The following CCDC34 variants were observed in gnomAD, a reference collection of about 807,000 sequenced individuals.
The protein encoded by CCDC34 is coiled-coil domain containing 34.
A neutral mutation model predicts 44.1 loss-of-function variants in CCDC34; 40 were observed. That is an observed-to-expected ratio of 0.91 (90% CI 0.70 to 1.18). CCDC34 has a LOEUF of 1.18. Ranked by LOEUF, CCDC34 falls within the 50% of genes most tolerant of loss-of-function variation. CCDC34 has a pLI of 0.00. For synonymous variants in CCDC34, 159 were observed against 158.2 expected, an observed-to-expected ratio of 1.01 and a Z score of -0.04; for missense variants, 466 against 452.3, an observed-to-expected ratio of 1.03 and a Z score of -0.28.
chr11:27,361,124 A>C (rs1565063610), intron 1 of CCDC34, among the ~76,000 whole-genome samples: 2 of 152,326 alleles, frequency 1.3e-5, no homozygotes, highest in South Asian at 4.1e-4. Flanking sequence ...ATGCTTGACA[A>C]CTTCAGCATT....
At chr11:27,342,616 A>G (rs902886474) in intron 3 of CCDC34, among the ~76,000 whole-genome samples, 2 of 152,120 alleles carry the variant, frequency 1.3e-5, no homozygotes, top group Admixed American at 6.6e-5. Context: ...GTATTTGTAA[A>G]TGAAGTTTTA....
At position 27,352,180 on chromosome 11, in the gene CCDC34, C is replaced by T. The variant is rs572590830; in HGVS notation, c.499-1741G>A. 4.6e-5 allele frequency among the ~76,000 whole-genome samples: 7 copies of T among 152,138 alleles called. No homozygotes were observed. In the East Asian group the frequency reaches 1.4e-3, roughly 29 times the overall value. On this transcript the variant is annotated intron_variant, in intron 2 of 5. Coordinates refer to ENST00000328697, the MANE Select transcript of CCDC34 (RefSeq NM_030771.2). Reference sequence around the variant, plus strand: ...GATGGATCACTTGAGGTCAAGGGTTCGAGACCAGCCTGGGCAAAATCGTAA... The same window carrying T: ...GATGGATCACTTGAGGTCAAGGGTTTGAGACCAGCCTGGGCAAAATCGTAA...
intron 1 of CCDC34, among the ~76,000 whole-genome samples, chr11:27,358,947 T>C: frequency 7.0e-6 from 1 of 141,966 alleles, no homozygotes; most frequent in African/African-American, 2.5e-5. Context: ...CTGCTCCTTG[T>C]CAACATGTGG....
chr11:27,346,592 C>A (rs538773704), intron 3 of CCDC34, among the ~76,000 whole-genome samples: 3 of 152,196 alleles, frequency 2.0e-5, no homozygotes, highest in African/African-American at 7.2e-5. Context: ...TATACAAATT[C>A]TCATATCTTA....
Position 27,362,960 on chromosome 11 carries a change from C to G in CCDC34, c.235G>C (p.Glu79Gln), listed in dbSNP as rs768638598. 6 of 1,614,178 alleles carry G rather than the reference C, an allele frequency of 3.7e-6. No individual in the cohort carries two copies. The highest frequency in any genetic ancestry group is 5.1e-6 in the Non-Finnish European group (6 of 1,180,024). The change falls in exon 1 of 6, where the codon GAG becomes CAG. Residue 79 changes from glutamate (E) to glutamine (Q), a missense_variant. Glu to Gln is a conservative substitution (Grantham distance 29). Transcript: ENST00000328697. The part of the protein sequence containing the change: ...PLGHQSFQFD[E>Q]DDGDGEDEED... Reference sequence around the variant, plus strand: ...TCATCCTCCCCGTCACCGTCGTCCTCGTCAAACTGGAAGCTCTGGTGGCCA... The same window carrying G: ...TCATCCTCCCCGTCACCGTCGTCCTGGTCAAACTGGAAGCTCTGGTGGCCA...
chr11:27,354,893 T>C (rs1862553252), intron 2 of CCDC34, among the ~76,000 whole-genome samples: 2 of 152,058 alleles, frequency 1.3e-5, no homozygotes, highest in African/African-American at 4.8e-5. Flanking sequence ...TTTACACTTT[T>C]AACTACTCCA....
chr11:27,343,825 G>A (rs543640432), intron 3 of CCDC34, among the ~76,000 whole-genome samples: 1 of 152,220 alleles, frequency 6.6e-6, no homozygotes, highest in East Asian at 1.9e-4. Flanking sequence ...GGAAACTAAG[G>A]CACATGGAGG....
At position 27,340,840 on chromosome 11, in the gene CCDC34, T is replaced by G; in HGVS notation, c.766-3A>C. 1 of 1,610,930 alleles carries G rather than the reference T, an allele frequency of 6.2e-7. No homozygotes were observed. On this transcript the variant is annotated splice_polypyrimidine_tract_variant and splice_region_variant and intron_variant, in intron 4 of 5. Coordinates refer to ENST00000328697, the MANE Select transcript of CCDC34 (RefSeq NM_030771.2). ...GCTTGCTGTTGTTTTTCTTTTTCCT[T>G]AAAATGACAAGACCAAAATATTTCC... is the stretch of plus-strand genomic sequence containing the variant.
chr11:27,354,909 GTCTCTC>G (rs968016999), intron 2 of CCDC34, among the ~76,000 whole-genome samples: 15 of 152,070 alleles, frequency 9.9e-5, no homozygotes, highest in African/African-American at 3.6e-4. Flanking sequence ...CTCCACTATT[GTCTCTC>G]TAACATCTGG....
Position 27,357,432 on chromosome 11 carries a change from G to T in CCDC34, c.469C>A (p.Arg157Ser). The stretch of plus-strand genomic sequence containing the variant: ...AGAGCTTTCAGTTGCAGCCGGTCAC[G>T]TTCTTCTTTTTCTTTGCCAATAAAC... ...VWFIGKEKEE[R>S]DRLQLKALEE... Residue 157 changes from arginine to serine, a missense_variant, in exon 2 of 6, where the codon CGT becomes AGT. Coordinates refer to ENST00000328697, the MANE Select transcript of CCDC34 (RefSeq NM_030771.2). The T allele has an allele frequency of 2.5e-6, 4 of 1,613,906 alleles. No homozygotes were observed. Among genetic ancestry groups the T allele is most frequent in the Non-Finnish European group, 3.4e-6 (4 of 1,179,880 alleles).
Position 27,356,957 on chromosome 11 carries a change from G to A in CCDC34, c.498+446C>T, listed in dbSNP as rs915627039. On this transcript the variant is annotated intron_variant, in intron 2 of 5. Transcript: ENST00000328697. ...TGGGGGTGGTGGGGGGGGGCAGGTAGATTCTTGCCTCTATTTTGTTTCAGT... is the reference window on the plus strand; with the variant it reads ...TGGGGGTGGTGGGGGGGGGCAGGTAAATTCTTGCCTCTATTTTGTTTCAGT... Among the ~76,000 whole-genome samples the A allele has an allele frequency of 1.0e-4, 12 of 118,634 alleles. No homozygotes were observed. The South Asian group carries it at 2.0e-3, about 20-fold the overall frequency. The allele number at this position is 118,634 out of a possible 152,430, so 77.8% of individuals were successfully genotyped here.
In CCDC34 at chr11:27,346,887, A is replaced by G. The variant is rs577243214; in HGVS notation, c.606+3445T>C. Among the ~76,000 whole-genome samples, 228 of 152,288 alleles carry G rather than the reference A, an allele frequency of 1.5e-3. 1 individual carries two copies. Among genetic ancestry groups the G allele is most frequent in the African/African-American group, 5.2e-3 (218 of 41,558 alleles). On this transcript the variant is annotated intron_variant, in intron 3 of 5. Coordinates refer to ENST00000328697, the MANE Select transcript of CCDC34 (RefSeq NM_030771.2). The stretch of plus-strand genomic sequence containing the variant: ...GGACTGGTGTCCTTACAAGAAGAGG[A>G]AGAGACACCAGGGATATATGTGAAC...
chr11:27,349,589 T>C (rs1862477170), intron 3 of CCDC34: 1 of 979,118 alleles, frequency 1.0e-6, no homozygotes, highest in Non-Finnish European at 1.2e-6. Context: ...ACTCTAAATA[T>C]GTAAAAATCA....
intron 3 of CCDC34, among the ~76,000 whole-genome samples, chr11:27,342,265 T>C (rs964453320): frequency 6.7e-6 from 1 of 149,692 alleles, no homozygotes; most frequent in Non-Finnish European, 1.5e-5. Flanking sequence ...TTTTAATGGA[T>C]GCTTACTCTC....
chr11:27,348,819 A>G, intron 3 of CCDC34: 3 of 935,108 alleles, frequency 3.2e-6, no homozygotes, highest in Non-Finnish European at 3.8e-6. Context: ...AAAAAAAAAA[A>G]AAGAATAATC....
chr11:27,359,478 AT>A (rs1293476737), intron 1 of CCDC34, among the ~76,000 whole-genome samples: 1 of 141,448 alleles, frequency 7.1e-6, no homozygotes, highest in Non-Finnish European at 1.6e-5. Context: ...AGCTATGTAC[AT>A]TTTTTTTCTT....
chr11:27,363,000 C>A lies in CCDC34; in HGVS notation c.195G>T (p.Ser65=), dbSNP rs764417597. The part of the protein sequence containing the change: ...LPLSCSNSTR[S]LLSPLGHQSF... ...TCTGGTGGCCAAGGGGAGACAACAGCGACCTGGTGGAATTGCTGCAGCTCA... is the reference window on the plus strand; with the variant it reads ...TCTGGTGGCCAAGGGGAGACAACAGAGACCTGGTGGAATTGCTGCAGCTCA... The change falls in exon 1 of 6, where the codon TCG becomes TCT. Residue 65 remains serine (S), a synonymous_variant. Transcript: ENST00000328697. 1 of 1,614,194 alleles carries A rather than the reference C, an allele frequency of 6.2e-7. No homozygotes were observed. The highest frequency in any genetic ancestry group is 1.1e-5 in the South Asian group (1 of 91,074).
At chr11:27,350,798 C>G (rs1347806816) in intron 2 of CCDC34, among the ~76,000 whole-genome samples, 4 of 151,814 alleles carry the variant, frequency 2.6e-5, no homozygotes. Flanking sequence ...TTTTTTTAAA[C>G]AGTTATAAGA....
At position 27,338,667 on chromosome 11, in the gene CCDC34, C is replaced by A; in HGVS notation, c.*154G>T. The A allele has an allele frequency of 1.6e-6, 1 of 612,514 alleles. No individual in the cohort carries two copies. Among genetic ancestry groups the A allele is most frequent in the Non-Finnish European group, 2.7e-6 (1 of 365,492 alleles). The allele number at this position is 612,514 out of a possible 1,614,324, so 37.9% of individuals were successfully genotyped here. A position where few individuals can be genotyped will look rare whatever the true frequency, so the allele number is the denominator to read the frequency against. On this transcript the variant is annotated 3_prime_UTR_variant, in exon 6 of 6. Coordinates refer to ENST00000328697, the MANE Select transcript of CCDC34 (RefSeq NM_030771.2). ...ATAAAAACCAAAATCCAGAAAATAT[C>A]TTCCTCAACTCTAAGGACTCCATAT... is the stretch of plus-strand genomic sequence containing the variant.
Sources: gnomAD v4.1 joint callset for allele counts (sites outside exome capture counted in the v4.1 genomes callset) on GRCh38, gnomAD v4.1.1 for gene constraint, MANE v1.5 for transcripts, NCBI Gene and HGNC (gene_info 2026-07-23, HGNC 2026-07-21) for gene names.